The following RBFOX1 variants were observed in gnomAD, a reference collection of about 807,000 sequenced individuals.
RBFOX1 encodes the protein RNA binding protein fox-1 homolog 1.
A neutral mutation model predicts 57.7 loss-of-function variants in RBFOX1; 8 were observed. That is an observed-to-expected ratio of 0.14 (90% CI 0.08 to 0.25). The LOEUF is 0.25. RBFOX1 is among the 10% of genes least tolerant of loss of function. RBFOX1 has a pLI of 1.00. For synonymous variants in RBFOX1, 326 were observed against 222.4 expected, an observed-to-expected ratio of 1.47 and a Z score of -4.15; for missense variants, 611 against 548.5, an observed-to-expected ratio of 1.11 and a Z score of -1.14.
At chr16:5,526,221 C>G (rs1449432033) in intron 2 of RBFOX1, among the ~76,000 whole-genome samples, 2 of 152,112 alleles carry the variant, frequency 1.3e-5, no homozygotes, top group South Asian at 2.1e-4. Context: ...GTAGTTTGCC[C>G]TCCTTTCCAA....
At chr16:7,391,019 T>G (rs1270820565) in intron 4 of RBFOX1, among the ~76,000 whole-genome samples, 1 of 152,128 alleles carries the variant, frequency 6.6e-6, no homozygotes, top group Non-Finnish European at 1.5e-5. Flanking sequence ...CCCTCGTGCT[T>G]TTTGGAGGCT....
intron 3 of RBFOX1, among the ~76,000 whole-genome samples, chr16:6,877,584 G>T (rs1022213009): frequency 6.6e-6 from 1 of 152,130 alleles, no homozygotes; most frequent in African/African-American, 2.4e-5. Context: ...TCTTGTGTGT[G>T]TGCAACAATA....
At chr16:5,766,283 T>A (rs894550490) in intron 3 of RBFOX1, among the ~76,000 whole-genome samples, 2 of 152,118 alleles carry the variant, frequency 1.3e-5, no homozygotes, top group African/African-American at 4.8e-5. Flanking sequence ...GGAGGTATCA[T>A]GCACTTTAAA....
intron 3 of RBFOX1, among the ~76,000 whole-genome samples, chr16:6,917,204 T>G (rs1437436509): frequency 6.6e-6 from 1 of 152,140 alleles, no homozygotes; most frequent in Non-Finnish European, 1.5e-5. Flanking sequence ...AATTTGTATT[T>G]AAAATAGAAA....
chr16:7,434,341 G>A (rs1048734552), intron 4 of RBFOX1, among the ~76,000 whole-genome samples: 6 of 151,974 alleles, frequency 3.9e-5, no homozygotes, highest in African/African-American at 9.7e-5. Flanking sequence ...GCACAGTGGC[G>A]GGCGCCAGTA....
rs547632075 is a variant in RBFOX1 at position 7,356,553 on chromosome 16, G to A, written c.28-161594G>A. ...TAGGTGGGGGGCCGATTGAGGCAGG[G>A]CCCTGCACAGCATGATAATGAGTTT... On this transcript the variant is annotated intron_variant, in intron 4 of 15. Coordinates refer to ENST00000550418, the MANE Select transcript of RBFOX1 (RefSeq NM_018723.4). Among the ~76,000 whole-genome samples the A allele has an allele frequency of 2.0e-4, 31 of 152,268 alleles. No homozygotes were observed. The South Asian group carries it at 6.4e-3, about 32-fold the overall frequency.
At chr16:6,094,453 C>T (rs572748573) in intron 1 of RBFOX1, among the ~76,000 whole-genome samples, 31 of 152,300 alleles carry the variant, frequency 2.0e-4, no homozygotes, top group African/African-American at 7.2e-4. Context: ...GAATTAATCA[C>T]TCTCTAAAGT....
intron 1 of RBFOX1, among the ~76,000 whole-genome samples, chr16:6,287,105 A>C (rs1020096372): frequency 6.6e-6 from 1 of 152,158 alleles, no homozygotes; most frequent in African/African-American, 2.4e-5. Context: ...CAAAGAAGGC[A>C]CACCTCACCC....
chr16:5,867,299 G>A, intron 3 of RBFOX1: 1 of 1,202,326 alleles, frequency 8.3e-7, no homozygotes, highest in Non-Finnish European at 1.0e-6. Flanking sequence ...TGTTTAACTT[G>A]CAGGTTTCGG....
chr16:7,561,790 T>G (rs868603898), intron 5 of RBFOX1, among the ~76,000 whole-genome samples: 1 of 152,246 alleles, frequency 6.6e-6, no homozygotes, highest in Non-Finnish European at 1.5e-5. Flanking sequence ...GCAACTGAAT[T>G]GTGCTTTCAG....
chr16:6,899,196 CAT>C (rs1442336101), intron 3 of RBFOX1, among the ~76,000 whole-genome samples: 3 of 148,102 alleles, frequency 2.0e-5, no homozygotes, highest in Non-Finnish European at 3.0e-5. Flanking sequence ...TGTGTGAGTG[CAT>C]ATGTGTGTAT....
rs564511423 is a variant in RBFOX1 at position 5,972,933 on chromosome 16, A to G, written c.351+105598A>G. On this transcript the variant is annotated intron_variant, in intron 4 of 19. Coordinates refer to the RBFOX1 transcript ENST00000641259. Reference sequence around the variant, plus strand: ...CCCCAGCTTTTCCACAGACAAAAACAGGGCTTTTCATGAGTCATCATTTCT... The same window carrying G: ...CCCCAGCTTTTCCACAGACAAAAACGGGGCTTTTCATGAGTCATCATTTCT... 5.3e-5 allele frequency among the ~76,000 whole-genome samples: 8 copies of G among 152,318 alleles called. No homozygotes were observed. The South Asian group carries it at 1.7e-3, about 32-fold the overall frequency.
intron 3 of RBFOX1, among the ~76,000 whole-genome samples, chr16:6,988,567 A>C (rs2346240): frequency 6.7e-6 from 1 of 148,818 alleles, no homozygotes; most frequent in Non-Finnish European, 1.5e-5. Context: ...AACTTTATTT[A>C]ATTTTATTTT....
At chr16:7,337,061 T>TC (rs777434460) in intron 4 of RBFOX1, among the ~76,000 whole-genome samples, 9 of 152,182 alleles carry the variant, frequency 5.9e-5, no homozygotes, top group Non-Finnish European at 1.0e-4. Context: ...TGCTGGTGAC[T>TC]CCAACGGGTC....
chr16:6,142,507 C>G (rs1357017133), intron 1 of RBFOX1, among the ~76,000 whole-genome samples: 1 of 152,036 alleles, frequency 6.6e-6, no homozygotes, highest in Admixed American at 6.6e-5. Context: ...AGGCGTGAGC[C>G]ACCATGCCTG....
intron 4 of RBFOX1, among the ~76,000 whole-genome samples, chr16:7,454,937 C>T (rs1474113008): frequency 1.3e-5 from 2 of 152,156 alleles, no homozygotes; most frequent in Non-Finnish European, 2.9e-5. Context: ...TGGGCCAACC[C>T]CTTTTCCCAG....
intron 3 of RBFOX1, among the ~76,000 whole-genome samples, chr16:5,682,823 T>C (rs1015298647): frequency 1.3e-5 from 2 of 152,198 alleles, no homozygotes; most frequent in African/African-American, 4.8e-5. Context: ...CAGTCTGATA[T>C]GTGAAATGTA....
intron 4 of RBFOX1, among the ~76,000 whole-genome samples, chr16:7,184,619 C>G (rs1326275325): frequency 6.6e-6 from 1 of 152,190 alleles, no homozygotes; most frequent in African/African-American, 2.4e-5. Flanking sequence ...AGTTGGAATT[C>G]TAGAGCAGTC....
At chr16:6,975,552 C>T (rs1056726549) in intron 3 of RBFOX1, among the ~76,000 whole-genome samples, 1 of 152,126 alleles carries the variant, frequency 6.6e-6, no homozygotes, top group Non-Finnish European at 1.5e-5. Flanking sequence ...CAGGCGTGAG[C>T]CACTGCACCT....
Sources: allele counts gnomAD v4.1 joint callset (sites outside exome capture counted in the v4.1 genomes callset), GRCh38; gene constraint gnomAD v4.1.1; transcripts MANE v1.5; gene names NCBI Gene and HGNC (gene_info 2026-07-23, HGNC 2026-07-21).